UGT1A6: variants seen among roughly 807,000 people sequenced by gnomAD.
UGT1A6 encodes UDP glucuronosyltransferase family 1 member A6.
UGT1A6 carries 32 observed loss-of-function variants against 44.4 expected under a neutral mutation model. The observed-to-expected ratio is 0.72, with a 90% CI of 0.54 to 0.97. The LOEUF is 0.97. Ranked by LOEUF, UGT1A6 falls within the 50% of genes least tolerant of loss-of-function variation. The pLI, the probability that UGT1A6 is intolerant of heterozygous loss-of-function variation, is 0.00. For synonymous variants in UGT1A6, 238 were observed against 248.5 expected, an observed-to-expected ratio of 0.96 and a Z score of 0.40; for missense variants, 685 against 661.9, an observed-to-expected ratio of 1.03 and a Z score of -0.38.
At chr2:233,715,877 G>A (rs2076474455) in intron 1 of UGT1A6, among the ~76,000 whole-genome samples, 1 of 152,174 alleles carries the variant, frequency 6.6e-6, no homozygotes, top group Non-Finnish European at 1.5e-5. Context: ...TTGTGCCTGT[G>A]GCCCCAGCTA....
At chr2:233,696,869 T>A (rs1016300613) in intron 1 of UGT1A6, among the ~76,000 whole-genome samples, 1 of 152,244 alleles carries the variant, frequency 6.6e-6, no homozygotes, top group African/African-American at 2.4e-5. Context: ...TTTTTCAGCA[T>A]CTACAACATA....
chr2:233,748,809 T>C (rs927087498), intron 1 of UGT1A6, among the ~76,000 whole-genome samples: 1 of 151,174 alleles, frequency 6.6e-6, no homozygotes, highest in Non-Finnish European at 1.5e-5. Flanking sequence ...TATCAAGAAA[T>C]TGTGGAAGGG....
intron 1 of UGT1A6, among the ~76,000 whole-genome samples, chr2:233,716,238 T>C (rs17863791): frequency 0.1 from 15,440 of 152,242 alleles, 905 homozygotes; most frequent in East Asian, 0.2. Context: ...TACATTGTCC[T>C]GCCCGGACAT....
At position 233,750,642 on chromosome 2, in the gene UGT1A6, C is replaced by G. The variant is rs1227116452; in HGVS notation, c.862-16392C>G. 2.7e-5 allele frequency: 4 copies of G among 149,396 alleles called. 1 individual carries two copies. The highest frequency in any genetic ancestry group is 1.0e-4 in the African/African-American group (4 of 38,716). 9.3% of individuals were successfully genotyped at this position (149,396 alleles called of 1,614,324 possible). On this transcript the variant is annotated intron_variant, in intron 1 of 4. Transcript: ENST00000305139. ...GGGTCCATGCTCCCCCTGCTGTGTGCAGCCTCAGGACTTGGTGCCCTGTGT... is the reference window on the plus strand; with the variant it reads ...GGGTCCATGCTCCCCCTGCTGTGTGGAGCCTCAGGACTTGGTGCCCTGTGT...
chr2:233,747,300 G>A (rs1415294813), intron 1 of UGT1A6: 68 of 1,602,464 alleles, frequency 4.2e-5, no homozygotes, highest in Admixed American at 3.8e-4. Flanking sequence ...CTGAGAGTGG[G>A]AAGGTGCTGG....
chr2:233,712,850 AAGTAACT>A, intron 1 of UGT1A6: 5 of 1,537,004 alleles, frequency 3.3e-6, no homozygotes, highest in Admixed American at 3.8e-5. Flanking sequence ...AACGGGTAAT[AAGTAACT>A]GGAGGAGGGC....
At chr2:233,728,395 C>A (rs989594953) in intron 1 of UGT1A6, among the ~76,000 whole-genome samples, 4 of 152,120 alleles carry the variant, frequency 2.6e-5, no homozygotes, top group Non-Finnish European at 4.4e-5. Context: ...GTTGTCTTGC[C>A]CATGTGTGCT....
chr2:233,737,176 C>CG (rs2078848522), intron 1 of UGT1A6, among the ~76,000 whole-genome samples: 1 of 152,196 alleles, frequency 6.6e-6, no homozygotes, highest in South Asian at 2.1e-4. Context: ...GAGTCTATAG[C>CG]GGCAGTAGCC....
intron 1 of UGT1A6, chr2:233,755,024 G>C (rs533329516): frequency 1.5e-6 from 2 of 1,306,520 alleles, no homozygotes; most frequent in Admixed American, 3.8e-5. Context: ...GGTCCTTGAA[G>C]GGCCTGCCGC....
At chr2:233,717,752 T>C (rs1429389060) in intron 1 of UGT1A6, 2 of 456,612 alleles carry the variant, frequency 4.4e-6, no homozygotes, top group South Asian at 3.1e-5. Flanking sequence ...GGTCTCCCCC[T>C]AGAAAGGCAC....
chr2:233,695,791 A>G (rs532521101), intron 1 of UGT1A6, among the ~76,000 whole-genome samples: 1 of 152,262 alleles, frequency 6.6e-6, no homozygotes, highest in African/African-American at 2.4e-5. Flanking sequence ...CATTCTGTAT[A>G]TGTACTATCT....
At chr2:233,749,947 C>T (rs1454449200) in intron 1 of UGT1A6, among the ~76,000 whole-genome samples, 4 of 151,812 alleles carry the variant, frequency 2.6e-5, no homozygotes, top group East Asian at 1.9e-4. Context: ...TATGAATTAC[C>T]GAGTCTTGGG....
intron 1 of UGT1A6, chr2:233,747,384 G>T: frequency 6.2e-7 from 1 of 1,605,378 alleles, no homozygotes; most frequent in Non-Finnish European, 8.5e-7. Flanking sequence ...AGGCCACCAG[G>T]CGGTGGTCCT....
At chr2:233,715,820 G>C (rs1490526502) in intron 1 of UGT1A6, among the ~76,000 whole-genome samples, 1 of 152,098 alleles carries the variant, frequency 6.6e-6, no homozygotes, top group East Asian at 1.9e-4. Context: ...TTTAAAGTTA[G>C]AAAACATTTT....
chr2:233,769,382 A>G lies in UGT1A6; in HGVS notation c.1301+943A>G. 1 of 1,021,984 alleles carries G rather than the reference A, an allele frequency of 9.8e-7. No individual in the cohort carries two copies. The highest frequency in any genetic ancestry group is 1.6e-5 in the South Asian group (1 of 63,370). 63.3% of individuals were successfully genotyped at this position (1,021,984 alleles called of 1,614,324 possible). On this transcript the variant is annotated intron_variant, in intron 4 of 4. Transcript: ENST00000305139. This position sits in a 1 kb window ranked among gnomAD's most constrained non-coding sequence, Gnocchi z 4.4. ...GGCCAGTGGTAGATTTCATCCGACAATAGATACTGTGTGCATATGTGCGTG... is the reference window on the plus strand; with the variant it reads ...GGCCAGTGGTAGATTTCATCCGACAGTAGATACTGTGTGCATATGTGCGTG...
chr2:233,699,781 T>A (rs932467039), intron 1 of UGT1A6, among the ~76,000 whole-genome samples: 1 of 152,210 alleles, frequency 6.6e-6, no homozygotes, highest in Non-Finnish European at 1.5e-5. Context: ...TGTTCCCAAG[T>A]TTCCTCCTCT....
At chr2:233,763,403 G>T (rs1219713616) in intron 1 of UGT1A6, among the ~76,000 whole-genome samples, 1 of 152,040 alleles carries the variant, frequency 6.6e-6, no homozygotes, top group Non-Finnish European at 1.5e-5. Context: ...CATGGCACTG[G>T]TATTTTTAAT....
intron 1 of UGT1A6, among the ~76,000 whole-genome samples, chr2:233,695,910 T>C (rs893646691): frequency 2.0e-5 from 3 of 152,132 alleles, no homozygotes; most frequent in East Asian, 3.9e-4. Context: ...GGGTTTTTTT[T>C]CTCCACACAC....
chr2:233,727,510 G>A (rs1189084466), intron 1 of UGT1A6, among the ~76,000 whole-genome samples: 2 of 152,170 alleles, frequency 1.3e-5, no homozygotes, highest in Admixed American at 1.3e-4. Flanking sequence ...GCCCATGAAT[G>A]TGGGAAGAGC....
Sources: allele counts gnomAD v4.1 joint callset (sites outside exome capture counted in the v4.1 genomes callset), GRCh38; gene constraint gnomAD v4.1.1; non-coding constraint Gnocchi (gnomAD v3.1); transcripts MANE v1.5; gene names NCBI Gene and HGNC (gene_info 2026-07-23, HGNC 2026-07-21).